Variants in MAP4 observed in about 807,000 individuals in gnomAD.
MAP4 encodes microtubule associated protein 4, also known as microtubule-associated protein 4.
Under a neutral mutation model 170.2 loss-of-function variants are expected in MAP4, and 76 were observed. The ratio of observed to expected loss-of-function variants is 0.45; its 90% CI spans 0.37 to 0.54. The LOEUF (loss-of-function observed/expected upper bound fraction) is 0.54. MAP4 is among the 20% of genes least tolerant of loss of function. MAP4 has a pLI of 0.00. For synonymous variants in MAP4, 909 were observed against 994.5 expected (o/e 0.91, Z 1.62); for missense variants, 2,506 against 2,748.0 (o/e 0.91, Z 1.97).
intron 10 of MAP4, among the ~76,000 whole-genome samples, chr3:47,882,624 G>A (rs2096935234): frequency 6.6e-6 from 1 of 151,966 alleles, no homozygotes; most frequent in South Asian, 2.1e-4. Flanking sequence ...TTTTCCTCTA[G>A]AGATGGGGTC....
At chr3:47,861,696 C>T (rs1324854356) in intron 17 of MAP4, among the ~76,000 whole-genome samples, 3 of 151,692 alleles carry the variant, frequency 2.0e-5, no homozygotes, top group African/African-American at 7.3e-5. Context: ...ACAACAAGAA[C>T]AAGAACCCAA....
chr3:47,894,565 A>AG (rs1209184382), intron 10 of MAP4, among the ~76,000 whole-genome samples: 1 of 151,812 alleles, frequency 6.6e-6, no homozygotes, highest in Non-Finnish European at 1.5e-5. Context: ...CCTGGGCGAC[A>AG]GGGCAAGACT....
Position 47,877,309 on chromosome 3 carries a change from T to C in MAP4, c.5541+108A>G, listed in dbSNP as rs534207985. 154 of 818,704 alleles carry C rather than the reference T, an allele frequency of 1.9e-4. 2 individuals carry two copies. In the South Asian group the frequency reaches 2.3e-3, roughly 12 times the overall value. The allele number at this position is 818,704 out of a possible 1,614,324, so 50.7% of individuals were successfully genotyped here. A position where few individuals can be genotyped will look rare whatever the true frequency, so the allele number is the denominator to read the frequency against. On this transcript the variant is annotated intron_variant, in intron 11 of 20. Transcript: ENST00000683076. Reference sequence around the variant, plus strand: ...CATGTCCAAACATGAGGAAGGACAATAACAGCTCAGAAAAAAGAAATTTCA... The same window carrying C: ...CATGTCCAAACATGAGGAAGGACAACAACAGCTCAGAAAAAAGAAATTTCA...
intron 7 of MAP4, among the ~76,000 whole-genome samples, 160 bp from the exon 8 acceptor site, chr3:47,915,099 T>C (rs1376022933): frequency 6.6e-6 from 1 of 151,926 alleles, no homozygotes; most frequent in Non-Finnish European, 1.5e-5. Flanking sequence ...TGGGAAGGTA[T>C]GTCTAGTTAT....
rs1553728648 is a variant in MAP4, at chr3:47,863,921, G to GGGGTGTGTGTGTGT, written c.6501+3324_6501+3325insACACACACACACCC. Among the ~76,000 whole-genome samples, 162 of 110,882 alleles carry GGGGTGTGTGTGTGT rather than the reference G, an allele frequency of 1.5e-3. 2 individuals carry two copies. The highest frequency in any genetic ancestry group is 7.4e-3 in the South Asian group (26 of 3,536). 72.7% of individuals were successfully genotyped at this position (110,882 alleles called of 152,430 possible). A position where few individuals can be genotyped will look rare whatever the true frequency, so the allele number is the denominator to read the frequency against. On this transcript the variant is annotated intron_variant, in intron 17 of 20. Coordinates refer to ENST00000683076, the MANE Select transcript of MAP4 (RefSeq NM_001385682.1). ...TTCTGTGTGTGTGTGTGTGGGTGTG[G>GGGGTGTGTGTGTGT]GTGTGTGTGTGTGTGTGGGGAGTGG... is the stretch of plus-strand genomic sequence containing the variant.
chr3:47,880,259 ATTT>A (rs35700801), intron 10 of MAP4, among the ~76,000 whole-genome samples: 12 of 106,364 alleles, frequency 1.1e-4, no homozygotes, highest in East Asian at 7.8e-4. Flanking sequence ...CACCTGGCTA[ATTT>A]TTTTTTTTTT....
At chr3:47,902,409 C>A (rs1309874612) in intron 10 of MAP4, among the ~76,000 whole-genome samples, 2 of 152,042 alleles carry the variant, frequency 1.3e-5, no homozygotes, top group African/African-American at 4.8e-5. Context: ...GGCGCAGTGG[C>A]TCATGCCTGT....
chr3:47,925,543 G>A (rs1391824691), intron 4 of MAP4, among the ~76,000 whole-genome samples: 1 of 152,024 alleles, frequency 6.6e-6, no homozygotes, highest in Non-Finnish European at 1.5e-5. Context: ...GGAGTATTAC[G>A]TGTCCATAAA....
At chr3:48,074,723 T>TGTGTGTGTGTGA (rs1559906380) in intron 1 of MAP4, among the ~76,000 whole-genome samples, 16 of 149,196 alleles carry the variant, frequency 1.1e-4, no homozygotes, top group Admixed American at 2.1e-4. Flanking sequence ...TGTGTGTGTG[T>TGTGTGTGTGTGA]GTGATATGTC....
intron 3 of MAP4, among the ~76,000 whole-genome samples, chr3:47,946,579 A>T (rs531401646): frequency 7.1e-6 from 1 of 139,902 alleles, no homozygotes; most frequent in Non-Finnish European, 1.5e-5. Context: ...GCTTGAACCC[A>T]GGAGGCAGAG....
At chr3:47,858,997 G>A (rs2061406894) in intron 17 of MAP4, among the ~76,000 whole-genome samples, 1 of 152,176 alleles carries the variant, frequency 6.6e-6, no homozygotes, top group Non-Finnish European at 1.5e-5. Flanking sequence ...GGGCGTGGTG[G>A]CAGGTGCCTG....
At chr3:47,856,912 C>T (rs770004167) in intron 18 of MAP4, among the ~76,000 whole-genome samples, 16 of 152,272 alleles carry the variant, frequency 1.1e-4, no homozygotes, top group Admixed American at 4.6e-4. Flanking sequence ...CTCCGCACAG[C>T]GACTTCCACA....
intron 10 of MAP4, among the ~76,000 whole-genome samples, chr3:47,880,594 T>C (rs1453588187): frequency 6.6e-6 from 1 of 150,998 alleles, no homozygotes; most frequent in Non-Finnish European, 1.5e-5. Flanking sequence ...GCCTTCCAAG[T>C]AGCTGGGACT....
intron 4 of MAP4, 54 bp from the exon 5 acceptor site, chr3:47,921,932 T>C: frequency 1.2e-6 from 1 of 811,252 alleles, no homozygotes; most frequent in Non-Finnish European, 2.1e-6. Flanking sequence ...ACTAGAAAGA[T>C]TAATATTTCT....
chr3:47,918,325 G>A (rs2100040877), intron 6 of MAP4, among the ~76,000 whole-genome samples: 1 of 151,626 alleles, frequency 6.6e-6, no homozygotes, highest in South Asian at 2.1e-4. Context: ...TCACCATGTT[G>A]GCTGGGCTGG....
chr3:48,055,200 G>A (rs62260829), intron 1 of MAP4, among the ~76,000 whole-genome samples: 13 of 70,960 alleles, frequency 1.8e-4, no homozygotes, highest in Admixed American at 5.8e-4. Context: ...CTCCCTCTCC[G>A]TCTCCGTCTC....
At chr3:48,078,152 G>A (rs544884889) in intron 1 of MAP4, among the ~76,000 whole-genome samples, 1 of 152,008 alleles carries the variant, frequency 6.6e-6, no homozygotes, top group East Asian at 1.9e-4. Context: ...CTATGATTTT[G>A]TTTTGTTTTG....
chr3:47,918,173 G>A (rs1453695773), intron 6 of MAP4, among the ~76,000 whole-genome samples: 10 of 152,154 alleles, frequency 6.6e-5, no homozygotes, highest in Middle Eastern at 3.4e-3. Context: ...TAGTAGAGAC[G>A]GGGTTTCACC....
chr3:47,923,326 T>C (rs1398198225), intron 4 of MAP4, among the ~76,000 whole-genome samples: 1 of 151,476 alleles, frequency 6.6e-6, no homozygotes, highest in African/African-American at 2.4e-5. Flanking sequence ...TACCACCCTC[T>C]TTTTGTAAGA....
Sources: allele counts gnomAD v4.1 joint callset (sites outside exome capture counted in the v4.1 genomes callset), GRCh38; gene constraint gnomAD v4.1.1; transcripts MANE v1.5; gene names NCBI Gene and HGNC (gene_info 2026-07-23, HGNC 2026-07-21).